Variants in PCDH15 observed in about 807,000 individuals in gnomAD.
PCDH15 encodes the protein protocadherin related 15.
Under a neutral mutation model 178.5 loss-of-function variants are expected in PCDH15, and 129 were observed. The ratio of observed to expected loss-of-function variants is 0.72; its 90% CI spans 0.63 to 0.84. The LOEUF (loss-of-function observed/expected upper bound fraction) is 0.84, where lower values mean the gene tolerates loss of function less well. Among genes scored for constraint, PCDH15 ranks in the 40% least tolerant of loss-of-function variants. PCDH15 has a pLI of 0.00. For synonymous variants in PCDH15, 800 were observed against 732.0 expected (o/e 1.09, Z -1.50); for missense variants, 2,230 against 2,099.9 (o/e 1.06, Z -1.21).
intron 2 of PCDH15, among the ~76,000 whole-genome samples, chr10:55,080,253 A>G (rs1842002680): frequency 1.3e-5 from 2 of 152,122 alleles, no homozygotes; most frequent in South Asian, 4.1e-4. Flanking sequence ...ACTAGTAAGC[A>G]TTACCAGCTG....
intron 2 of PCDH15, among the ~76,000 whole-genome samples, chr10:54,906,453 A>G (rs1954723169): frequency 6.6e-6 from 1 of 152,176 alleles, no homozygotes; most frequent in Non-Finnish European, 1.5e-5. Context: ...ATTCCAAAAT[A>G]AATGCATTCA....
At chr10:55,023,626 A>T (rs1194342157) in intron 2 of PCDH15, among the ~76,000 whole-genome samples, 4 of 152,200 alleles carry the variant, frequency 2.6e-5, no homozygotes, top group South Asian at 2.1e-4. Context: ...TGCTATTTAT[A>T]TCTCATTATT....
At chr10:54,591,222 G>A (rs900699075) in intron 2 of PCDH15, among the ~76,000 whole-genome samples, 2 of 152,108 alleles carry the variant, frequency 1.3e-5, no homozygotes, top group Non-Finnish European at 2.9e-5. Context: ...AAAGGACTTT[G>A]TAGATGTGTT....
chr10:55,302,148 G>A (rs1588894028), intron 1 of PCDH15, among the ~76,000 whole-genome samples: 3 of 151,914 alleles, frequency 2.0e-5, no homozygotes, highest in East Asian at 3.9e-4. Context: ...CAAATTTTTT[G>A]TAAGAATTAG....
intron 23 of PCDH15, among the ~76,000 whole-genome samples, chr10:53,959,190 T>A (rs191000462): frequency 1.1e-4 from 17 of 148,746 alleles, no homozygotes; most frequent in African/African-American, 4.2e-4. Context: ...TATATATATA[T>A]ACACACAGTA....
chr10:54,909,781 G>A (rs545196106), intron 2 of PCDH15, among the ~76,000 whole-genome samples: 26 of 152,120 alleles, frequency 1.7e-4, no homozygotes, highest in African/African-American at 5.3e-4. Context: ...TCTGTGGAGC[G>A]CAGCACCACC....
chr10:54,266,567 T>C (rs1258500530), intron 8 of PCDH15, among the ~76,000 whole-genome samples: 1 of 151,614 alleles, frequency 6.6e-6, no homozygotes, highest in Admixed American at 6.6e-5. Context: ...CTAGCAAGAT[T>C]AACAAAAAAG....
Position 53,961,904 on chromosome 10 carries a change from T to G in PCDH15, c.2869-12A>C, listed in dbSNP as rs749271971. 6.3e-7 allele frequency: 1 copy of G among 1,592,464 alleles called. No homozygotes were observed. Among genetic ancestry groups the G allele is most frequent in the Non-Finnish European group, 8.6e-7 (1 of 1,161,826 alleles). On this transcript the variant is annotated splice_polypyrimidine_tract_variant and intron_variant, in intron 21 of 37. Transcript: ENST00000644397. Reference sequence around the variant, plus strand: ...CTTGCAGGTAATCCCTAAAATAAAATTATTAATTATTAATTTGCTGTTACC... The same window carrying G: ...CTTGCAGGTAATCCCTAAAATAAAAGTATTAATTATTAATTTGCTGTTACC...
At chr10:55,140,725 T>C (rs938011017) in intron 2 of PCDH15, among the ~76,000 whole-genome samples, 3 of 152,122 alleles carry the variant, frequency 2.0e-5, no homozygotes, top group African/African-American at 7.2e-5. Context: ...ACTTCTCCAG[T>C]GGACCTGGAG....
chr10:55,073,473 C>G (rs1314193647), intron 2 of PCDH15, among the ~76,000 whole-genome samples: 1 of 152,064 alleles, frequency 6.6e-6, no homozygotes, highest in African/African-American at 2.4e-5. Flanking sequence ...AACAGAGAGC[C>G]AAATCATGAG....
At chr10:55,323,522 G>A (rs10430547), upstream of PCDH15, among the ~76,000 whole-genome samples, 1 of 152,318 alleles carries the variant, frequency 6.6e-6, no homozygotes, top group East Asian at 1.9e-4. Flanking sequence ...TCTTGCATCA[G>A]TGTGACCTGG....
chr10:55,255,751 C>G (rs534734929), intron 1 of PCDH15, among the ~76,000 whole-genome samples: 1 of 152,278 alleles, frequency 6.6e-6, no homozygotes, highest in Admixed American at 6.5e-5. Flanking sequence ...TAAATGTCTT[C>G]TTTTGAGAAG....
At chr10:54,242,133 TATATATA>T (rs2055402222) in intron 8 of PCDH15, among the ~76,000 whole-genome samples, 2 of 3,090 alleles carry the variant, frequency 6.5e-4, no homozygotes, top group Non-Finnish European at 1.2e-3. Flanking sequence ...TCTATTTTTA[TATATATA>T]TATATATATA....
intron 25 of PCDH15, 82 bp downstream of exon 25, chr10:53,938,733 A>T: frequency 7.0e-7 from 1 of 1,424,898 alleles, no homozygotes; most frequent in Non-Finnish European, 9.8e-7. Context: ...TGAGAATGAT[A>T]TTTTAGACAT....
At chr10:55,472,284 T>G (rs2132108206) in intron 2 of PCDH15, among the ~76,000 whole-genome samples, 1 of 152,296 alleles carries the variant, frequency 6.6e-6, no homozygotes, top group South Asian at 2.1e-4. Flanking sequence ...TTTTTTCAGA[T>G]TTCTCTACAG....
chr10:54,290,965 A>G (rs1167237114), intron 8 of PCDH15, among the ~76,000 whole-genome samples: 1 of 152,246 alleles, frequency 6.6e-6, no homozygotes, highest in Non-Finnish European at 1.5e-5. Flanking sequence ...TTAACGCCTC[A>G]CTGTCAATAT....
At chr10:55,177,364 C>A (rs1839521069) in intron 1 of PCDH15, among the ~76,000 whole-genome samples, 1 of 152,130 alleles carries the variant, frequency 6.6e-6, no homozygotes, top group Non-Finnish European at 1.5e-5. Context: ...GAGGCATCAG[C>A]CGTTAGTCTT....
intron 2 of PCDH15, among the ~76,000 whole-genome samples, chr10:55,464,502 T>G (rs749171151): frequency 6.6e-6 from 1 of 151,918 alleles, no homozygotes; most frequent in Non-Finnish European, 1.5e-5. Context: ...GTTTTAGCAC[T>G]CACATTGCTT....
chr10:55,048,657 C>A (rs1472650606), intron 2 of PCDH15, among the ~76,000 whole-genome samples: 2 of 151,770 alleles, frequency 1.3e-5, no homozygotes, highest in Non-Finnish European at 3.0e-5. Flanking sequence ...ATATTCTAAG[C>A]CATTTTTACA....
Sources: gnomAD v4.1 joint callset for allele counts (sites outside exome capture counted in the v4.1 genomes callset) on GRCh38, gnomAD v4.1.1 for gene constraint, MANE v1.5 for transcripts, NCBI Gene and HGNC (gene_info 2026-07-23, HGNC 2026-07-21) for gene names.